The following NT5DC1 variants were observed in gnomAD, a reference collection of about 807,000 sequenced individuals.
NT5DC1 encodes the protein 5'-nucleotidase domain-containing protein 1.
A neutral mutation model predicts 59.4 loss-of-function variants in NT5DC1; 42 were observed. The observed-to-expected ratio is 0.71, with a 90% CI of 0.55 to 0.92. NT5DC1 has a LOEUF of 0.92. NT5DC1 is among the 40% of genes least tolerant of loss of function. The probability of loss-of-function intolerance (pLI) is 0.00; values close to 1 mark genes in which losing one functional copy is unlikely to be tolerated. For missense variants in NT5DC1, 501 were observed against 537.1 expected (o/e 0.93, Z 0.66); for synonymous variants, 172 against 188.1 (o/e 0.91, Z 0.70).
intron 6 of NT5DC1, among the ~76,000 whole-genome samples, chr6:116,190,284 A>G (rs771273204): frequency 1.3e-5 from 2 of 152,026 alleles, no homozygotes; most frequent in African/African-American, 2.4e-5. Context: ...TTTTATCAAT[A>G]TATGAAATAC....
chr6:116,113,618 A>G (rs944435179), intron 4 of NT5DC1, among the ~76,000 whole-genome samples: 9 of 152,220 alleles, frequency 5.9e-5, no homozygotes, highest in African/African-American at 2.2e-4. Flanking sequence ...GTGTCCACAC[A>G]GCGGACATTC....
chr6:116,119,439 G>T (rs1779038825), intron 6 of NT5DC1: 1 of 152,582 alleles, frequency 6.6e-6, no homozygotes, highest in Non-Finnish European at 1.5e-5. Flanking sequence ...CATTTCAGAT[G>T]AACTTCAATA....
At chr6:116,233,579 G>A (rs1325570927) in intron 8 of NT5DC1, among the ~76,000 whole-genome samples, 4 of 152,300 alleles carry the variant, frequency 2.6e-5, no homozygotes, top group Middle Eastern at 3.4e-3. Context: ...ATCCAAATTC[G>A]GAAATGCTCT....
In NT5DC1 at chr6:116,110,898, A is replaced by T. The variant is rs1432854555; in HGVS notation, c.306A>T (p.Ala102=). The T allele has an allele frequency of 6.2e-7, 1 of 1,614,090 alleles. No homozygotes were observed. Among genetic ancestry groups the T allele is most frequent in the Admixed American group, 1.7e-5 (1 of 60,012 alleles). ...TGACTCCAGAGGTGCTGGCAGAGGC[A>T]TATGGCAAGAAAGAGTGGAAGCACT... ...KMMTPEVLAE[A]YGKKEWKHFL... Residue 102 remains alanine (A), a synonymous_variant, in exon 4 of 12, where the codon GCA becomes GCT. Transcript: ENST00000319550.
At chr6:116,145,380 A>G (rs1032734106) in intron 6 of NT5DC1, 6 of 318,428 alleles carry the variant, frequency 1.9e-5, no homozygotes, top group Middle Eastern at 4.0e-4. Flanking sequence ...AATTGATGGT[A>G]AGAAGAAATG....
chr6:116,186,708 G>A (rs1423389403), intron 6 of NT5DC1, among the ~76,000 whole-genome samples: 1 of 151,982 alleles, frequency 6.6e-6, no homozygotes, highest in Non-Finnish European at 1.5e-5. Flanking sequence ...CTCTAAGTGT[G>A]TCCTTGACTT....
chr6:116,133,522 C>G (rs1779518577), intron 6 of NT5DC1, among the ~76,000 whole-genome samples: 1 of 152,130 alleles, frequency 6.6e-6, no homozygotes, highest in South Asian at 2.1e-4. Context: ...ACCTATAGGG[C>G]ACCTGAGTAC....
intron 6 of NT5DC1, among the ~76,000 whole-genome samples, chr6:116,147,036 G>A (rs1319529863): frequency 1.3e-5 from 2 of 149,932 alleles, no homozygotes; most frequent in Non-Finnish European, 3.0e-5. Flanking sequence ...TAGTCAGAAA[G>A]CCTTTGAAGT....
At chr6:116,101,926 A>G (rs144314026) in intron 1 of NT5DC1, among the ~76,000 whole-genome samples, 1 of 152,330 alleles carries the variant, frequency 6.6e-6, no homozygotes, top group East Asian at 1.9e-4. Context: ...TGCCTAGCTT[A>G]GGACACCAGC....
intron 11 of NT5DC1, 65 bp from the exon 12 acceptor site, chr6:116,243,844 T>A (rs1771784981): frequency 1.6e-6 from 1 of 638,104 alleles, no homozygotes; most frequent in African/African-American, 1.9e-5. Context: ...AATATCAAGT[T>A]TTGATTTGTT....
At chr6:116,206,721 T>C (rs550818686) in intron 6 of NT5DC1, among the ~76,000 whole-genome samples, 2 of 152,112 alleles carry the variant, frequency 1.3e-5, no homozygotes, top group South Asian at 4.1e-4. Context: ...ATAAAGTTCC[T>C]TTTGATGTTT....
At chr6:116,121,269 G>T in intron 6 of NT5DC1, 1 of 1,613,932 alleles carries the variant, frequency 6.2e-7, no homozygotes, top group South Asian at 1.1e-5. Flanking sequence ...GCCCCAGGGA[G>T]ACCTTTTGTT....
chr6:116,222,581 A>G (rs1781828404), intron 7 of NT5DC1, among the ~76,000 whole-genome samples: 1 of 152,186 alleles, frequency 6.6e-6, no homozygotes, highest in African/African-American at 2.4e-5. Flanking sequence ...TTCACATTTG[A>G]AGCACTCTCT....
chr6:116,108,524 A>C lies in NT5DC1; in HGVS notation c.257+89A>C, dbSNP rs970008213. On this transcript the variant is annotated intron_variant, in intron 3 of 11. Coordinates refer to ENST00000319550, the MANE Select transcript of NT5DC1 (RefSeq NM_152729.3). ...CATATGACCCTTACAGTATGGGTTA[A>C]ATATGATTATTTTAATTAATCAGAT... The C allele has an allele frequency of 9.3e-6, 7 of 748,670 alleles. No individual in the cohort carries two copies. In the Admixed American group the frequency reaches 1.4e-4, roughly 15 times the overall value. 46.4% of individuals were successfully genotyped at this position (748,670 alleles called of 1,614,324 possible).
intron 10 of NT5DC1, 133 bp from the exon 11 acceptor site, chr6:116,238,822 T>C: frequency 1.7e-6 from 1 of 591,384 alleles, no homozygotes; most frequent in Non-Finnish European, 3.0e-6. Flanking sequence ...GTTCCAAAAA[T>C]TTAATGTGGG....
At chr6:116,126,028 A>G (rs1779290683) in intron 6 of NT5DC1, 2 of 156,430 alleles carry the variant, frequency 1.3e-5, no homozygotes, top group African/African-American at 4.8e-5. Flanking sequence ...TTAACATGGA[A>G]GTCCACCAGT....
chr6:116,241,496 A>G (rs1771713414), intron 11 of NT5DC1, among the ~76,000 whole-genome samples: 1 of 152,262 alleles, frequency 6.6e-6, no homozygotes, highest in Non-Finnish European at 1.5e-5. Flanking sequence ...TATGTTCAGT[A>G]TTGATGTCAG....
chr6:116,121,446 C>T lies in NT5DC1; in HGVS notation c.529+3501C>T, dbSNP rs142492015. 29 of 1,614,010 alleles carry T rather than the reference C, an allele frequency of 1.8e-5. No individual in the cohort carries two copies. Among genetic ancestry groups the T allele is most frequent in the Middle Eastern group, 3.3e-4 (2 of 6,084 alleles). ...CCTGGCTGTCCTGGAACCCCATTTTCACCTCTTTTTCCCACTCCAGGAGGG... is the reference window on the plus strand; with the variant it reads ...CCTGGCTGTCCTGGAACCCCATTTTTACCTCTTTTTCCCACTCCAGGAGGG... On this transcript the variant is annotated intron_variant, in intron 6 of 11. Transcript: ENST00000319550.
At chr6:116,229,923 A>G (rs944932632) in intron 8 of NT5DC1, among the ~76,000 whole-genome samples, 1 of 152,100 alleles carries the variant, frequency 6.6e-6, no homozygotes, top group African/African-American at 2.4e-5. Flanking sequence ...AGGCAGCTCC[A>G]CTCAGTGTTC....
Sources: allele counts gnomAD v4.1 joint callset (sites outside exome capture counted in the v4.1 genomes callset), GRCh38; gene constraint gnomAD v4.1.1; transcripts MANE v1.5; gene names NCBI Gene and HGNC (gene_info 2026-07-23, HGNC 2026-07-21).